NRXN3: variants seen among roughly 807,000 people sequenced by gnomAD.
NRXN3 encodes neurexin III.
In NRXN3, 32 loss-of-function variants were observed where a neutral mutation model predicts 137.6. The ratio of observed to expected loss-of-function variants is 0.23; its 90% CI spans 0.18 to 0.31. The LOEUF (loss-of-function observed/expected upper bound fraction) is 0.31, where lower values mean the gene tolerates loss of function less well. NRXN3 is among the 10% of genes least tolerant of loss of function. NRXN3 has a pLI of 1.00. For missense variants in NRXN3, 1,574 were observed against 2,062.5 expected, an observed-to-expected ratio of 0.76 and a Z score of 4.59; for synonymous variants, 798 against 784.5, an observed-to-expected ratio of 1.02 and a Z score of -0.29.
Position 78,603,067 on chromosome 14 carries a change from A to C in NRXN3, c.758-42053A>C, listed in dbSNP as rs541860808. Among the ~76,000 whole-genome samples, 11 of 152,066 alleles carry C rather than the reference A, an allele frequency of 7.2e-5. No individual in the cohort carries two copies. The South Asian group carries it at 2.3e-3, about 32-fold the overall frequency. On this transcript the variant is annotated intron_variant, in intron 4 of 20. Coordinates refer to ENST00000335750, the MANE Select transcript of NRXN3 (RefSeq NM_001330195.2). ...CACTTTTTTTGTTTCTTTTTCTGAG[A>C]GGTAGTAGACAGTGGAGCTAAATAA... is the stretch of plus-strand genomic sequence containing the variant.
chr14:79,219,845 G>A (rs1049907120), intron 15 of NRXN3, among the ~76,000 whole-genome samples: 1 of 152,096 alleles, frequency 6.6e-6, no homozygotes, highest in Non-Finnish European at 1.5e-5. Flanking sequence ...TGCTATAGAG[G>A]CAGAGTTGTT....
intron 16 of NRXN3, among the ~76,000 whole-genome samples, chr14:79,640,962 T>C (rs1403288951): frequency 7.4e-6 from 1 of 135,372 alleles, no homozygotes; most frequent in Non-Finnish European, 1.7e-5. Flanking sequence ...AGCTAAACAC[T>C]TAAGTTTTCT....
intron 10 of NRXN3, among the ~76,000 whole-genome samples, chr14:78,892,535 A>G (rs2099161943): frequency 6.6e-6 from 1 of 151,760 alleles, no homozygotes. Flanking sequence ...AAGAAGTGTG[A>G]TCAAAACTAC....
intron 10 of NRXN3, among the ~76,000 whole-genome samples, chr14:78,932,097 G>A (rs527746208): frequency 7.2e-5 from 11 of 152,100 alleles, no homozygotes; most frequent in South Asian, 4.2e-4. Flanking sequence ...CCAAGATTGC[G>A]CCATTGCACT....
chr14:78,809,668 A>T (rs1043547018), intron 9 of NRXN3, among the ~76,000 whole-genome samples: 2 of 152,198 alleles, frequency 1.3e-5, no homozygotes, highest in African/African-American at 4.8e-5. Flanking sequence ...ACTAAGGAAG[A>T]TGGCAAGTGT....
intron 15 of NRXN3, among the ~76,000 whole-genome samples, chr14:79,466,628 T>C (rs1293479109): frequency 2.6e-5 from 4 of 152,068 alleles, no homozygotes; most frequent in Non-Finnish European, 5.9e-5. Flanking sequence ...TTTGTTACCA[T>C]GTTTATAGCA....
At chr14:78,620,478 T>C (rs542841014) in intron 4 of NRXN3, among the ~76,000 whole-genome samples, 3 of 152,198 alleles carry the variant, frequency 2.0e-5, no homozygotes, top group African/African-American at 7.2e-5. Context: ...TTATCAGAGG[T>C]ACATGCCCAG....
At chr14:79,551,046 T>C (rs1211791239) in intron 16 of NRXN3, among the ~76,000 whole-genome samples, 1 of 152,192 alleles carries the variant, frequency 6.6e-6, no homozygotes, top group Non-Finnish European at 1.5e-5. Context: ...ATTTATCAAC[T>C]GGGTCGGCCT....
At chr14:79,771,881 T>G in intron 19 of NRXN3, among the ~76,000 whole-genome samples, 1 of 123,340 alleles carries the variant, frequency 8.1e-6, no homozygotes, top group Non-Finnish European at 1.7e-5. Flanking sequence ...AAAACCCCAT[T>G]GTCTCAGCCC....
At chr14:78,962,827 C>T (rs909016319) in intron 11 of NRXN3, among the ~76,000 whole-genome samples, 1 of 152,106 alleles carries the variant, frequency 6.6e-6, no homozygotes, top group African/African-American at 2.4e-5. Flanking sequence ...AGTTCTTCTG[C>T]CTCAGCCTCC....
chr14:79,857,854 T>A (rs1603620276), intron 20 of NRXN3, among the ~76,000 whole-genome samples: 1 of 152,310 alleles, frequency 6.6e-6, no homozygotes, highest in East Asian at 1.9e-4. Flanking sequence ...TTCTACCACT[T>A]TGTTGTCTAA....
chr14:79,683,957 C>T (rs1225492130), intron 17 of NRXN3, among the ~76,000 whole-genome samples: 1 of 152,142 alleles, frequency 6.6e-6, no homozygotes, highest in East Asian at 1.9e-4. Context: ...CTAAGTCCAG[C>T]CCACAATCAA....
chr14:78,565,049 A>G (rs544063955), intron 4 of NRXN3, among the ~76,000 whole-genome samples: 1 of 152,346 alleles, frequency 6.6e-6, no homozygotes, highest in African/African-American at 2.4e-5. Flanking sequence ...TATGTTGTCT[A>G]TACAACTACA....
At chr14:79,536,182 A>C (rs2097209491) in intron 16 of NRXN3, among the ~76,000 whole-genome samples, 1 of 152,218 alleles carries the variant, frequency 6.6e-6, no homozygotes, top group Admixed American at 6.5e-5. Context: ...TCTCTCCTAG[A>C]ATCATGCCAT....
chr14:79,303,126 C>A (rs961213916), intron 15 of NRXN3, among the ~76,000 whole-genome samples: 1 of 151,970 alleles, frequency 6.6e-6, no homozygotes, highest in Admixed American at 6.6e-5. Context: ...AAGCTTGTGC[C>A]CTCCTACTGC....
chr14:78,280,322 T>C (rs1361358994), intron 3 of NRXN3, among the ~76,000 whole-genome samples: 1 of 152,236 alleles, frequency 6.6e-6, no homozygotes. Flanking sequence ...TATATGCATG[T>C]TATGTATATA....
chr14:79,332,458 T>C (rs904684492), intron 15 of NRXN3, among the ~76,000 whole-genome samples: 1 of 152,242 alleles, frequency 6.6e-6, no homozygotes. Context: ...TTCTGTGTGC[T>C]GTTTCCTCTG....
At position 78,693,425 on chromosome 14, in the gene NRXN3, C is replaced by T. The variant is rs1042093105; in HGVS notation, c.1222-15792C>T. Reference sequence around the variant, plus strand: ...CTTGTTTTGTTTTGTTTTGTTTTTTCCCCCACTGCTCAAATACCTGCTCTA... The same window carrying T: ...CTTGTTTTGTTTTGTTTTGTTTTTTTCCCCACTGCTCAAATACCTGCTCTA... On this transcript the variant is annotated intron_variant, in intron 6 of 20. Transcript: ENST00000335750. Among the ~76,000 whole-genome samples, 4 of 151,552 alleles carry T rather than the reference C, an allele frequency of 2.6e-5. 1 individual carries two copies. The South Asian group carries it at 8.4e-4, about 32-fold the overall frequency.
At chr14:79,488,508 T>C (rs1341803506) in intron 16 of NRXN3, among the ~76,000 whole-genome samples, 2 of 152,084 alleles carry the variant, frequency 1.3e-5, no homozygotes, top group African/African-American at 4.8e-5. Flanking sequence ...TGACAACGCA[T>C]GGGAGCAGAA....
Sources: allele counts gnomAD v4.1 joint callset (sites outside exome capture counted in the v4.1 genomes callset), GRCh38; gene constraint gnomAD v4.1.1; transcripts MANE v1.5; gene names NCBI Gene and HGNC (gene_info 2026-07-23, HGNC 2026-07-21).